The following SSBP2 variants were observed in gnomAD, a reference collection of about 807,000 sequenced individuals.
SSBP2 encodes single-stranded DNA-binding protein 2.
SSBP2 carries 17 observed loss-of-function variants against 61.8 expected under a neutral mutation model. That is an observed-to-expected ratio of 0.28 (90% CI 0.19 to 0.41). The LOEUF (loss-of-function observed/expected upper bound fraction) is 0.41. Ranked by LOEUF, SSBP2 falls within the 10% of genes least tolerant of loss-of-function variation. The pLI is 1.00. For synonymous variants in SSBP2, 139 were observed against 141.3 expected, an observed-to-expected ratio of 0.98 and a Z score of 0.12; for missense variants, 310 against 458.7, an observed-to-expected ratio of 0.68 and a Z score of 2.96.
At chr5:81,582,703 C>A (rs781397420) in intron 4 of SSBP2, among the ~76,000 whole-genome samples, 4 of 152,152 alleles carry the variant, frequency 2.6e-5, no homozygotes, top group Non-Finnish European at 5.9e-5. Context: ...AAGCAATTTT[C>A]TTGCCTCTGC....
At chr5:81,750,922 G>C in intron 1 of SSBP2, 59 bp downstream of exon 1, 3 of 1,525,234 alleles carry the variant, frequency 2.0e-6, no homozygotes, top group Non-Finnish European at 2.7e-6. Context: ...GTGTGCGAGT[G>C]CGTGCGTGAG....
intron 1 of SSBP2, among the ~76,000 whole-genome samples, chr5:81,733,319 A>G (rs772360862): frequency 1.3e-5 from 2 of 152,296 alleles, no homozygotes; most frequent in Middle Eastern, 3.4e-3. Flanking sequence ...ATAAACAAAT[A>G]TAGAGGGAAA....
At chr5:81,583,636 A>G (rs1256567820) in intron 4 of SSBP2, among the ~76,000 whole-genome samples, 1 of 151,920 alleles carries the variant, frequency 6.6e-6, no homozygotes, top group African/African-American at 2.4e-5. Context: ...TCTCAAAAAA[A>G]AAAAAAAAAA....
intron 12 of SSBP2, among the ~76,000 whole-genome samples, chr5:81,444,392 G>A (rs1763236682): frequency 6.6e-6 from 1 of 152,146 alleles, no homozygotes; most frequent in Admixed American, 6.5e-5. Flanking sequence ...CAAATGTTAT[G>A]TCTTCCATGA....
intron 12 of SSBP2, among the ~76,000 whole-genome samples, chr5:81,443,730 T>G (rs2153965273): frequency 6.6e-6 from 1 of 152,288 alleles, no homozygotes; most frequent in Middle Eastern, 3.4e-3. Flanking sequence ...GCCTGGCTAA[T>G]TTTTTATACT....
At chr5:81,532,862 TCTAA>T (rs558341098) in intron 4 of SSBP2, among the ~76,000 whole-genome samples, 1 of 152,026 alleles carries the variant, frequency 6.6e-6, no homozygotes, top group South Asian at 2.1e-4. Flanking sequence ...ATGTTTTATA[TCTAA>T]CTAATAAGGT....
At chr5:81,511,941 G>T (rs998377657) in intron 5 of SSBP2, among the ~76,000 whole-genome samples, 1 of 151,908 alleles carries the variant, frequency 6.6e-6, no homozygotes, top group African/African-American at 2.4e-5. Context: ...ATAGGCAAAC[G>T]GAGAACAGTT....
rs1749983806 is a variant in SSBP2 at position 81,653,933 on chromosome 5, G to GT, written c.63-3595dup. Among the ~76,000 whole-genome samples the GT allele has an allele frequency of 2.0e-5, 3 of 151,556 alleles. No individual in the cohort carries two copies. In the South Asian group the frequency reaches 6.2e-4, roughly 32 times the overall value. ...ACCTATCCCTGTAGTGACATCTTCC[G>GT]TCCCAAGCTCCAAACCTACTTCTCC... is the stretch of plus-strand genomic sequence containing the variant. On this transcript the variant is annotated intron_variant, in intron 1 of 16. Transcript: ENST00000320672.
intron 3 of SSBP2, among the ~76,000 whole-genome samples, chr5:81,631,275 A>T (rs558011096): frequency 5.3e-5 from 8 of 152,216 alleles, no homozygotes; most frequent in African/African-American, 1.7e-4. Context: ...ACCACAACTG[A>T]CCAAGTGCGG....
intron 4 of SSBP2, among the ~76,000 whole-genome samples, chr5:81,608,952 G>GT (rs2153581513): frequency 6.6e-6 from 1 of 152,200 alleles, no homozygotes; most frequent in Admixed American, 6.5e-5. Flanking sequence ...AAAAAGAAGA[G>GT]TCATTTATGT....
At position 81,418,830 on chromosome 5, in the gene SSBP2, C is replaced by T. The variant is rs1761436279; in HGVS notation, c.*1674G>A. On this transcript the variant is annotated 3_prime_UTR_variant, in exon 17 of 17. Transcript: ENST00000320672. Reference sequence around the variant, plus strand: ...TGCAGTCTGTGGTTGATTGGAATGTCATTATGAGCTGCATGACTATATCCT... The same window carrying T: ...TGCAGTCTGTGGTTGATTGGAATGTTATTATGAGCTGCATGACTATATCCT... The T allele has an allele frequency of 6.6e-6, 1 of 152,150 alleles. No individual in the cohort carries two copies. 9.4% of individuals were successfully genotyped at this position (152,150 alleles called of 1,614,324 possible).
At chr5:81,487,793 G>T (rs2154048623) in intron 6 of SSBP2, among the ~76,000 whole-genome samples, 1 of 150,782 alleles carries the variant, frequency 6.6e-6, no homozygotes, top group African/African-American at 2.4e-5. Context: ...AAAAATTTAT[G>T]CCCTTTGATC....
At chr5:81,736,938 C>T (rs1756663037) in intron 1 of SSBP2, among the ~76,000 whole-genome samples, 1 of 152,132 alleles carries the variant, frequency 6.6e-6, no homozygotes, top group Admixed American at 6.5e-5. Flanking sequence ...TCCATGGTAC[C>T]ACAGTTATTT....
chr5:81,655,100 T>C (rs1258984352), intron 1 of SSBP2, among the ~76,000 whole-genome samples: 1 of 152,124 alleles, frequency 6.6e-6, no homozygotes, highest in Non-Finnish European at 1.5e-5. Flanking sequence ...CAGTGAGCTA[T>C]GATCCATCAT....
At chr5:81,485,937 A>G (rs1387038168) in intron 6 of SSBP2, among the ~76,000 whole-genome samples, 1 of 152,216 alleles carries the variant, frequency 6.6e-6, no homozygotes, top group African/African-American at 2.4e-5. Flanking sequence ...GCTCCTAACT[A>G]GGTTAAACAT....
chr5:81,693,526 T>A (rs1297234574), intron 1 of SSBP2, among the ~76,000 whole-genome samples: 6 of 152,162 alleles, frequency 3.9e-5, no homozygotes, highest in Admixed American at 3.9e-4. Context: ...AAGATCTGAA[T>A]AGACATTTCT....
At chr5:81,642,213 A>G (rs1395839856) in intron 2 of SSBP2, among the ~76,000 whole-genome samples, 2 of 152,182 alleles carry the variant, frequency 1.3e-5, no homozygotes, top group East Asian at 1.9e-4. Context: ...CGTGGGCTTC[A>G]GGCCTATTTA....
chr5:81,750,978 T>C lies in SSBP2; in HGVS notation c.62+3A>G. On this transcript the variant is annotated splice_donor_region_variant and intron_variant, in intron 1 of 16. Coordinates refer to ENST00000320672, the MANE Select transcript of SSBP2 (RefSeq NM_012446.5). ...GAGGTGGGTGAGAAGCGGAGACACT[T>C]ACTTCTCCCGGGCCTGGCTGTCGGA... 2 of 1,592,530 alleles carry C rather than the reference T, an allele frequency of 1.3e-6. No individual in the cohort carries two copies. The highest frequency in any genetic ancestry group is 1.7e-6 in the Non-Finnish European group (2 of 1,169,512).
At chr5:81,534,153 C>T (rs1017431516) in intron 4 of SSBP2, among the ~76,000 whole-genome samples, 1 of 152,086 alleles carries the variant, frequency 6.6e-6, no homozygotes, top group African/African-American at 2.4e-5. Context: ...GAAGCACTTG[C>T]AAATTTCACA....
Sources: gnomAD v4.1 joint callset for allele counts (sites outside exome capture counted in the v4.1 genomes callset) on GRCh38, gnomAD v4.1.1 for gene constraint, MANE v1.5 for transcripts, NCBI Gene and HGNC (gene_info 2026-07-23, HGNC 2026-07-21) for gene names.